Variants in SRC observed in about 807,000 individuals in gnomAD.
The protein encoded by SRC is SRC proto-oncogene, non-receptor tyrosine kinase, also known as proto-oncogene tyrosine-protein kinase Src.
SRC carries 13 observed loss-of-function variants against 62.9 expected under a neutral mutation model. That is an observed-to-expected ratio of 0.21 (90% CI 0.13 to 0.33). The LOEUF is 0.33. Among genes scored for constraint, SRC ranks in the 10% least tolerant of loss-of-function variants. The probability of loss-of-function intolerance (pLI) is 1.00; values close to 1 mark genes in which losing one functional copy is unlikely to be tolerated. For synonymous variants in SRC, 302 were observed against 317.5 expected, an observed-to-expected ratio of 0.95 and a Z score of 0.52; for missense variants, 457 against 737.3, an observed-to-expected ratio of 0.62 and a Z score of 4.40.
intron 1 of SRC, among the ~76,000 whole-genome samples, chr20:37,353,934 T>A (rs1213952765): frequency 1.3e-5 from 2 of 152,158 alleles, no homozygotes; most frequent in Non-Finnish European, 2.9e-5. Flanking sequence ...AGTTTCCCCA[T>A]CTGAAAAATG....
chr20:37,372,923 C>T (rs1027819083), intron 2 of SRC, among the ~76,000 whole-genome samples: 1 of 151,962 alleles, frequency 6.6e-6, no homozygotes, highest in African/African-American at 2.4e-5. Flanking sequence ...ATTGATTTAT[C>T]ATTTAAAAAA....
chr20:37,371,259 G>T (rs1442939038), intron 2 of SRC, among the ~76,000 whole-genome samples: 1 of 152,102 alleles, frequency 6.6e-6, no homozygotes, highest in Non-Finnish European at 1.5e-5. Flanking sequence ...CTCCCAAAGT[G>T]CTGGGATTAC....
At chr20:37,373,251 CACACACAT>C (rs1416681724) in intron 2 of SRC, among the ~76,000 whole-genome samples, 2 of 85,000 alleles carry the variant, frequency 2.4e-5, no homozygotes, top group Middle Eastern at 6.0e-3. Context: ...TGTACACACG[CACACACAT>C]GTACATACGC....
Position 37,384,464 on chromosome 20 carries a change from G to A in SRC, c.250+61G>A. ...TGGGGCCACGGCGGGGAGGCGGCGG[G>A]GCTGTGTGCCCGGGGTCGCCCCCTC... On this transcript the variant is annotated intron_variant, in intron 4 of 13. Transcript: ENST00000373578. The surrounding 1 kb of genome is among the most constrained non-coding windows in gnomAD (Gnocchi z 6.7). 7.7e-7 allele frequency: 1 copy of A among 1,292,558 alleles called. No homozygotes were observed. The highest frequency in any genetic ancestry group is 9.7e-7 in the Non-Finnish European group (1 of 1,026,658). The allele number at this position is 1,292,558 out of a possible 1,614,324, so 80.1% of individuals were successfully genotyped here.
At chr20:37,348,561 G>C (rs1375939396) in intron 1 of SRC, among the ~76,000 whole-genome samples, 1 of 152,154 alleles carries the variant, frequency 6.6e-6, no homozygotes, top group African/African-American at 2.4e-5. Flanking sequence ...GAAGGTGGCA[G>C]GGCCTGAGCT....
chr20:37,368,389 GCCTGGGCAACAGAGTGAGACT>G (rs1320694070), intron 2 of SRC, among the ~76,000 whole-genome samples: 2 of 152,010 alleles, frequency 1.3e-5, no homozygotes, highest in East Asian at 3.9e-4. Flanking sequence ...TTTTACTTCA[GCCTGGGCAACAGAGTGAGACT>G]CCGTCTCAAA....
rs1169971775 is a variant in SRC at position 37,397,480 on chromosome 20, A to G, written c.704-219A>G. 6.6e-6 allele frequency among the ~76,000 whole-genome samples: 1 copy of G among 152,198 alleles called. No homozygotes were observed. Among genetic ancestry groups the G allele is most frequent in the African/African-American group, 2.4e-5 (1 of 41,442 alleles). On this transcript the variant is annotated intron_variant, in intron 8 of 13. Transcript: ENST00000373578. The surrounding 1 kb of genome is among the most constrained non-coding windows in gnomAD (Gnocchi z 4.1). ...CCTGGCACCCCCTACTGTCTGCTGAATGACTGACTGAATGACTGACTCAGC... is the reference window on the plus strand; with the variant it reads ...CCTGGCACCCCCTACTGTCTGCTGAGTGACTGACTGAATGACTGACTCAGC...
chr20:37,381,244 T>A (rs575734293), intron 2 of SRC, among the ~76,000 whole-genome samples: 1 of 152,168 alleles, frequency 6.6e-6, no homozygotes, highest in Non-Finnish European at 1.5e-5. Context: ...TTTTTCTGAG[T>A]GCCCCAGTGT....
At position 37,351,169 on chromosome 20, in the gene SRC, C is replaced by T. The variant is rs183641887; in HGVS notation, c.-247+4914C>T. Among the ~76,000 whole-genome samples the T allele has an allele frequency of 2.9e-4, 44 of 152,344 alleles. No homozygotes were observed. Among genetic ancestry groups the T allele is most frequent in the Non-Finnish European group, 4.7e-4 (32 of 68,042 alleles). ...TTGCTCTGGGTCCTTGGGCAAGTGA[C>T]TTTCCCCCAACTTTGGTCCATTTGG... is the stretch of plus-strand genomic sequence containing the variant. On this transcript the variant is annotated intron_variant, in intron 1 of 13. Transcript: ENST00000373578. The surrounding 1 kb of genome is among the most constrained non-coding windows in gnomAD (Gnocchi z 4.4).
chr20:37,392,855 G>T (rs1394693057), intron 5 of SRC, among the ~76,000 whole-genome samples: 1 of 151,962 alleles, frequency 6.6e-6, no homozygotes, highest in African/African-American at 2.4e-5. Context: ...GCACCGCCTG[G>T]CTCTCCCGCT....
chr20:37,392,149 C>G (rs928960047), intron 5 of SRC, among the ~76,000 whole-genome samples: 13 of 152,130 alleles, frequency 8.5e-5, no homozygotes, highest in African/African-American at 3.1e-4. Context: ...ATGGCTTGCC[C>G]CCCTGCCCGA....
intron 2 of SRC, among the ~76,000 whole-genome samples, chr20:37,375,326 G>A (rs918039462): frequency 6.6e-6 from 1 of 151,814 alleles, no homozygotes; most frequent in Non-Finnish European, 1.5e-5. Context: ...CAACCTTCCA[G>A]ACTCAAGTGA....
At chr20:37,354,763 G>C (rs2069856081) in intron 1 of SRC, among the ~76,000 whole-genome samples, 1 of 152,230 alleles carries the variant, frequency 6.6e-6, no homozygotes, top group Admixed American at 6.5e-5. Context: ...CCAGCACCCA[G>C]ATCCTGCCAC....
At chr20:37,380,390 C>T (rs936013294) in intron 2 of SRC, among the ~76,000 whole-genome samples, 2 of 152,134 alleles carry the variant, frequency 1.3e-5, no homozygotes, top group African/African-American at 4.8e-5. Context: ...TTCAACCTCT[C>T]TGTGTCTTAA....
In SRC at chr20:37,384,161, G is replaced by C. The variant is rs767602518; in HGVS notation, c.8G>C (p.Ser3Thr). The C allele has an allele frequency of 6.9e-6, 11 of 1,600,508 alleles. No individual in the cohort carries two copies. The South Asian group carries it at 1.2e-4, about 18-fold the overall frequency. ...CTCTCTCCTGCCAGGACCATGGGTA[G>C]CAACAAGAGCAAGCCCAAGGATGCC... is the stretch of plus-strand genomic sequence containing the variant. The part of the protein sequence containing the change: MG[S>T]NKSKPKDASQ... The change falls in exon 4 of 14, where the codon AGC (serine) becomes ACC (threonine). Residue 3 changes from serine to threonine, a missense_variant. This residue lies in a region of SRC where 132 missense variants were observed against 135.4 expected (regional missense o/e 0.98). Coordinates refer to ENST00000373578, the MANE Select transcript of SRC (RefSeq NM_198291.3). This position sits in a 1 kb window ranked among gnomAD's most constrained non-coding sequence, Gnocchi z 6.7.
At chr20:37,347,860 A>C (rs1405834386) in intron 1 of SRC, among the ~76,000 whole-genome samples, 2 of 152,214 alleles carry the variant, frequency 1.3e-5, no homozygotes, top group Non-Finnish European at 2.9e-5. Flanking sequence ...CAGAGACCAC[A>C]GTCTGGCTGT....
At chr20:37,400,374 C>G in intron 10 of SRC, 80 bp downstream of exon 10, 1 of 1,298,392 alleles carries the variant, frequency 7.7e-7, no homozygotes, top group Non-Finnish European at 1.0e-6. Flanking sequence ...CCTCTCATGT[C>G]TAGAATGGGC....
chr20:37,400,331 C>G, intron 10 of SRC, 37 bp downstream of exon 10: 1 of 1,564,758 alleles, frequency 6.4e-7, no homozygotes, highest in Non-Finnish European at 8.7e-7. Flanking sequence ...GGCAGGGGCA[C>G]TCCGGACAGG....
intron 1 of SRC, among the ~76,000 whole-genome samples, chr20:37,364,486 C>T (rs947869723): frequency 6.6e-6 from 1 of 152,152 alleles, no homozygotes; most frequent in African/African-American, 2.4e-5. Context: ...TCTGTGTCCA[C>T]CCCGTGATGA....
Sources: gnomAD v4.1 joint callset for allele counts (sites outside exome capture counted in the v4.1 genomes callset) on GRCh38, gnomAD v4.1.1 for gene constraint, gnomAD v4.1.1 regional missense constraint, Gnocchi (gnomAD v3.1) non-coding constraint, MANE v1.5 for transcripts, NCBI Gene and HGNC (gene_info 2026-07-23, HGNC 2026-07-21) for gene names.